The following DDX60 variants were observed in gnomAD, a reference collection of about 807,000 sequenced individuals.
DDX60 encodes the protein DExD/H-box helicase 60.
In DDX60, 165 loss-of-function variants were observed where a neutral mutation model predicts 212.8. The ratio of observed to expected loss-of-function variants is 0.78; its 90% CI spans 0.68 to 0.88. The LOEUF is 0.88. DDX60 is among the 40% of genes least tolerant of loss of function. The probability of loss-of-function intolerance (pLI) is 0.00; values close to 1 mark genes in which losing one functional copy is unlikely to be tolerated. For synonymous variants in DDX60, 703 were observed against 685.3 expected (o/e 1.03, Z -0.40); for missense variants, 1,905 against 2,003.9 (o/e 0.95, Z 0.94).
intron 18 of DDX60, among the ~76,000 whole-genome samples, chr4:168,272,368 G>C (rs967162873): frequency 6.6e-6 from 1 of 152,196 alleles, no homozygotes; most frequent in African/African-American, 2.4e-5. Context: ...CAGATTTGAA[G>C]TTTACATCCT....
chr4:168,302,171 T>C (rs1015833514), intron 6 of DDX60, 129 bp downstream of exon 6: 3 of 463,184 alleles, frequency 6.5e-6, no homozygotes, highest in Admixed American at 4.2e-5. Context: ...AAATGTTCCG[T>C]GGTTATTTAA....
intron 1 of DDX60, among the ~76,000 whole-genome samples, chr4:168,316,848 G>C (rs1376011017): frequency 6.6e-6 from 1 of 151,480 alleles, no homozygotes; most frequent in South Asian, 2.1e-4. Context: ...ACCTGAGGTC[G>C]GGAGTTCGAG....
chr4:168,298,568 T>C (rs966999124), intron 6 of DDX60, among the ~76,000 whole-genome samples: 2 of 152,124 alleles, frequency 1.3e-5, no homozygotes, highest in Non-Finnish European at 2.9e-5. Flanking sequence ...TTATCCAACA[T>C]ATGCATGGCA....
At chr4:168,295,027 G>A (rs1023256753) in intron 6 of DDX60, among the ~76,000 whole-genome samples, 2 of 152,086 alleles carry the variant, frequency 1.3e-5, no homozygotes, top group African/African-American at 4.8e-5. Flanking sequence ...AAACTACAAT[G>A]AGATATCACC....
intron 6 of DDX60, among the ~76,000 whole-genome samples, chr4:168,295,936 A>G (rs892276548): frequency 2.0e-5 from 3 of 152,226 alleles, no homozygotes; most frequent in Non-Finnish European, 4.4e-5. Flanking sequence ...GATCTCACTT[A>G]TATGTAGAAT....
At chr4:168,313,817 C>G (rs999334370) in intron 1 of DDX60, among the ~76,000 whole-genome samples, 1 of 152,058 alleles carries the variant, frequency 6.6e-6, no homozygotes, top group Non-Finnish European at 1.5e-5. Context: ...CTATTTATGT[C>G]CTGACAACTT....
chr4:168,233,314 A>C (rs142514177), intron 33 of DDX60, among the ~76,000 whole-genome samples: 336 of 152,152 alleles, frequency 2.2e-3, no homozygotes, highest in African/African-American at 7.6e-3. Context: ...TCCTTAACAA[A>C]CTAAAAGTAG....
rs926814646 is a variant in DDX60, at chr4:168,292,698, T to A, written c.883-792A>T. On this transcript the variant is annotated intron_variant, in intron 7 of 37. Transcript: ENST00000393743. ...CCCTGTGAGAACACGGGTAAAGAAG[T>A]GGACACATCTGATATCATGGGACAA... 4.6e-5 allele frequency among the ~76,000 whole-genome samples: 7 copies of A among 152,274 alleles called. No homozygotes were observed. In the East Asian group the frequency reaches 1.4e-3, roughly 29 times the overall value.
chr4:168,258,703 A>T (rs1166598771), intron 25 of DDX60, among the ~76,000 whole-genome samples: 1 of 152,178 alleles, frequency 6.6e-6, no homozygotes, highest in African/African-American at 2.4e-5. Flanking sequence ...AAGTATGTGA[A>T]GGATTTTGGA....
intron 15 of DDX60, among the ~76,000 whole-genome samples, 197 bp from the exon 16 acceptor site, chr4:168,275,700 T>C (rs1735304041): frequency 6.6e-6 from 1 of 152,192 alleles, no homozygotes; most frequent in Admixed American, 6.5e-5. Context: ...ATGATATTTG[T>C]GGCTACAACC....
chr4:168,294,481 CATTTATTTATTTATTTATTT>C (rs4058259), intron 6 of DDX60, among the ~76,000 whole-genome samples: 1 of 149,182 alleles, frequency 6.7e-6, no homozygotes, highest in Non-Finnish European at 1.5e-5. Flanking sequence ...GCAAACGATA[CATTTATTTATTTATTTATTT>C]ATTTATTTAT....
Position 168,268,910 on chromosome 4 carries a change from G to A in DDX60, c.2730C>T (p.Ile910=), listed in dbSNP as rs1330848293. 1 of 1,596,840 alleles carries A rather than the reference G, an allele frequency of 6.3e-7. No homozygotes were observed. Among genetic ancestry groups the A allele is most frequent in the Non-Finnish European group, 8.6e-7 (1 of 1,169,282 alleles). Residue 910 remains isoleucine (I), a synonymous_variant, in exon 20 of 38, where the codon ATC becomes ATT. Transcript: ENST00000393743. ...CTGAAAGAGCCAAAAAGGGACATCG[G>A]ATCATGACAAGGAGATGTTCCCAGA... ...AEIWEHLLVM[I]RCPFLALSAT...
At chr4:168,240,726 C>A (rs942505148) in intron 30 of DDX60, among the ~76,000 whole-genome samples, 2 of 152,114 alleles carry the variant, frequency 1.3e-5, no homozygotes, top group African/African-American at 4.8e-5. Context: ...TAATAGAAGA[C>A]CTGGATAGCC....
At chr4:168,256,136 A>G (rs2149508456) in intron 25 of DDX60, among the ~76,000 whole-genome samples, 1 of 111,300 alleles carries the variant, frequency 9.0e-6, no homozygotes, top group Admixed American at 1.3e-4. Flanking sequence ...TACCCCTGGG[A>G]CAATGCAATC....
At chr4:168,239,588 G>T (rs999436285) in intron 30 of DDX60, among the ~76,000 whole-genome samples, 1 of 152,146 alleles carries the variant, frequency 6.6e-6, no homozygotes, top group Non-Finnish European at 1.5e-5. Context: ...AGAAGGCATG[G>T]TGAGGGTAGG....
chr4:168,301,440 A>G (rs1056258669), intron 6 of DDX60, among the ~76,000 whole-genome samples: 23 of 152,210 alleles, frequency 1.5e-4, no homozygotes, highest in Non-Finnish European at 3.4e-4. Context: ...AAGTACAGAA[A>G]GATGAGGGCT....
Sources: allele counts gnomAD v4.1 joint callset (sites outside exome capture counted in the v4.1 genomes callset), GRCh38; gene constraint gnomAD v4.1.1; transcripts MANE v1.5; gene names NCBI Gene and HGNC (gene_info 2026-07-23, HGNC 2026-07-21).